DPP6: variants seen among roughly 807,000 people sequenced by gnomAD.
The protein encoded by DPP6 is A-type potassium channel modulatory protein DPP6.
In DPP6, 69 loss-of-function variants were observed where a neutral mutation model predicts 122.6. The observed-to-expected ratio is 0.56, with a 90% CI of 0.46 to 0.69. DPP6 has a LOEUF of 0.69. Ranked by LOEUF, DPP6 falls within the 30% of genes least tolerant of loss-of-function variation. DPP6 has a pLI of 0.00. For missense variants in DPP6, 928 were observed against 1,116.9 expected (o/e 0.83, Z 2.41); for synonymous variants, 418 against 433.1 (o/e 0.97, Z 0.43).
the DPP6 span, among the ~76,000 whole-genome samples, chr7:153,881,744 G>A: frequency 6.6e-6 from 1 of 152,068 alleles, no homozygotes; most frequent in Non-Finnish European, 1.5e-5. Flanking sequence ...AGGTGATAGT[G>A]TACTGAACTA....
chr7:153,902,567 G>C (rs1799682059), intron 1 of DPP6, among the ~76,000 whole-genome samples: 1 of 152,120 alleles, frequency 6.6e-6, no homozygotes, highest in African/African-American at 2.4e-5. Context: ...GGGCGTGGTG[G>C]CTCACACCTG....
intron 16 of DPP6, among the ~76,000 whole-genome samples, chr7:154,807,320 C>T (rs1035871654): frequency 4.6e-5 from 7 of 152,160 alleles, no homozygotes; most frequent in Non-Finnish European, 1.0e-4. Context: ...GGCTACTTTA[C>T]GTTTCATACA....
At chr7:153,946,688 C>G (rs1012000174) in intron 1 of DPP6, among the ~76,000 whole-genome samples, 2 of 152,046 alleles carry the variant, frequency 1.3e-5, no homozygotes, top group African/African-American at 4.8e-5. Flanking sequence ...CACTTTGGTT[C>G]AAACGCCTCT....
At chr7:154,151,713 T>C (rs533546524) in intron 1 of DPP6, among the ~76,000 whole-genome samples, 5 of 152,028 alleles carry the variant, frequency 3.3e-5, no homozygotes, top group Admixed American at 3.3e-4. Flanking sequence ...TGGTCTCCAG[T>C]TGGGACCACA....
chr7:154,105,861 G>T (rs1158147415), intron 1 of DPP6, among the ~76,000 whole-genome samples: 1 of 151,600 alleles, frequency 6.6e-6, no homozygotes, highest in Non-Finnish European at 1.5e-5. Flanking sequence ...CCAGTCTTGG[G>T]TATGTCTTTA....
At chr7:154,608,016 G>T in intron 5 of DPP6, among the ~76,000 whole-genome samples, 1 of 108,568 alleles carries the variant, frequency 9.2e-6, no homozygotes, top group Non-Finnish European at 2.0e-5. Flanking sequence ...GTCTCGCTCT[G>T]TCACCCAGGC....
intron 1 of DPP6, chr7:153,887,835 G>C: frequency 7.5e-7 from 1 of 1,338,146 alleles, no homozygotes; most frequent in Non-Finnish European, 1.0e-6. Flanking sequence ...CTCCCTGGAA[G>C]GACAGCGACC....
intron 1 of DPP6, chr7:154,026,464 T>C (rs910678333): frequency 7.2e-5 from 11 of 152,210 alleles, no homozygotes; most frequent in Non-Finnish European, 2.9e-5. Flanking sequence ...CTGGCGCAGA[T>C]GCAGAGATTA....
chr7:154,829,211 T>C (rs543268262), intron 16 of DPP6, among the ~76,000 whole-genome samples: 1 of 92,222 alleles, frequency 1.1e-5, no homozygotes, highest in Non-Finnish European at 2.9e-5. Context: ...GGCAAAACCA[T>C]GTCTCTACAA....
At chr7:154,651,101 G>A (rs1284138980) in intron 6 of DPP6, among the ~76,000 whole-genome samples, 2 of 152,116 alleles carry the variant, frequency 1.3e-5, no homozygotes, top group Non-Finnish European at 2.9e-5. Context: ...TACCAGTACT[G>A]CACTAGCTTC....
At chr7:154,431,893 C>T (rs1470884580) in intron 1 of DPP6, among the ~76,000 whole-genome samples, 2 of 152,162 alleles carry the variant, frequency 1.3e-5, no homozygotes, top group Non-Finnish European at 2.9e-5. Context: ...TTCCTTTTCT[C>T]CTGGTATCTG....
chr7:154,660,359 G>A (rs1439834570), intron 6 of DPP6, among the ~76,000 whole-genome samples: 14 of 136,680 alleles, frequency 1.0e-4, no homozygotes, highest in African/African-American at 2.4e-4. Flanking sequence ...CGTATTGGCC[G>A]TAGTGTTCAT....
chr7:154,496,039 C>T (rs77252162), intron 3 of DPP6, among the ~76,000 whole-genome samples: 3,041 of 152,212 alleles, frequency 0.02, 104 homozygotes, highest in African/African-American at 0.068. Context: ...TCTACCTATT[C>T]GTAATAGACA....
chr7:154,660,407 T>C (rs1313433036), intron 6 of DPP6, among the ~76,000 whole-genome samples: 1 of 149,930 alleles, frequency 6.7e-6, no homozygotes, highest in Non-Finnish European at 1.5e-5. Context: ...TTGGCCGTAG[T>C]GTTCATATAG....
intron 1 of DPP6, among the ~76,000 whole-genome samples, chr7:153,935,194 G>A (rs1801373815): frequency 6.6e-6 from 1 of 152,074 alleles, no homozygotes; most frequent in Non-Finnish European, 1.5e-5. Context: ...ACAGTGAAGG[G>A]GAGCTGCAGG....
chr7:153,820,564 G>T, the DPP6 span, among the ~76,000 whole-genome samples: 4 of 152,120 alleles, frequency 2.6e-5, no homozygotes, highest in South Asian at 2.1e-4. Flanking sequence ...TTCTCAGAAG[G>T]CATCCCCGGA....
intron 7 of DPP6, among the ~76,000 whole-genome samples, chr7:154,719,823 G>A (rs941020234): frequency 6.6e-6 from 1 of 152,206 alleles, no homozygotes; most frequent in Non-Finnish European, 1.5e-5. Flanking sequence ...AGGCTGTGCC[G>A]ATTGTCATTG....
the DPP6 span, among the ~76,000 whole-genome samples, chr7:153,843,896 G>A: frequency 0.07 from 10,609 of 152,130 alleles, 587 homozygotes; most frequent in South Asian, 0.24. Context: ...TTCTCGGAAG[G>A]GAGTATGCCT....
In DPP6 at chr7:154,434,263, G is replaced by C. The variant is rs76357085; in HGVS notation, c.244-11951G>C. ...TATAGTTTCAGGTAGAAATTATTTGGAAATGTACCATGCTGCTGTAAAACA... is the reference window on the plus strand; with the variant it reads ...TATAGTTTCAGGTAGAAATTATTTGCAAATGTACCATGCTGCTGTAAAACA... On this transcript the variant is annotated intron_variant, in intron 1 of 25. Coordinates refer to ENST00000377770, the MANE Select transcript of DPP6 (RefSeq NM_130797.4). Among the ~76,000 whole-genome samples, 637 of 152,256 alleles carry C rather than the reference G, an allele frequency of 4.2e-3. 3 individuals carry two copies. The highest frequency in any genetic ancestry group is 0.015 in the African/African-American group (614 of 41,558).
Sources: gnomAD v4.1 joint callset for allele counts (sites outside exome capture counted in the v4.1 genomes callset) on GRCh38, gnomAD v4.1.1 for gene constraint, MANE v1.5 for transcripts, NCBI Gene and HGNC (gene_info 2026-07-23, HGNC 2026-07-21) for gene names.